Variants in SPECC1 observed in about 807,000 individuals in gnomAD.
SPECC1 encodes cytospin-B.
In SPECC1, 62 loss-of-function variants were observed where a neutral mutation model predicts 104.1. That is an observed-to-expected ratio of 0.60 (90% CI 0.49 to 0.74). The LOEUF is 0.74. Ranked by LOEUF, SPECC1 falls within the 30% of genes least tolerant of loss-of-function variation. The pLI, the probability that SPECC1 is intolerant of heterozygous loss-of-function variation, is 0.00. For missense variants in SPECC1, 1,306 were observed against 1,310.5 expected (o/e 1.00, Z 0.05); for synonymous variants, 513 against 501.6 (o/e 1.02, Z -0.30).
chr17:20,172,999 A>G (rs896901197), intron 3 of SPECC1, among the ~76,000 whole-genome samples: 1 of 152,202 alleles, frequency 6.6e-6, no homozygotes, highest in Non-Finnish European at 1.5e-5. Flanking sequence ...TGTTGGTCAA[A>G]TGAAGACTTG....
rs75296798 is a variant in SPECC1 at position 20,314,062 on chromosome 17, G to T, written c.3204G>T (p.Thr1068=). The part of the protein sequence containing the change: ...YVAQIYKYFE[T] ...CCCAAATCTACAAGTACTTTGAGAC[G>T]TAACCCTGGAGGGCCTGGGGCAGCC... is the stretch of plus-strand genomic sequence containing the variant. Residue 1068 remains threonine (T), a synonymous_variant, in exon 15 of 15, where the codon ACG becomes ACT. Coordinates refer to ENST00000395527, the MANE Select transcript of SPECC1 (RefSeq NM_001243439.2). The T allele has an allele frequency of 1.7e-5, 27 of 1,613,668 alleles. No individual in the cohort carries two copies. The highest frequency in any genetic ancestry group is 2.3e-5 in the Non-Finnish European group (27 of 1,179,766).
intron 7 of SPECC1, chr17:20,237,850 C>T (rs555130769): frequency 1.9e-5 from 4 of 205,884 alleles, no homozygotes; most frequent in African/African-American, 9.3e-5. Context: ...TTAAGCTATT[C>T]TCCTGCCTTG....
intron 12 of SPECC1, among the ~76,000 whole-genome samples, chr17:20,288,806 C>T (rs1408634380): frequency 9.1e-5 from 10 of 110,434 alleles, no homozygotes; most frequent in East Asian, 6.0e-4. Flanking sequence ...TGTCCCAAGA[C>T]GGAGTCTCAC....
At chr17:20,029,143 T>A (rs1385308182) in intron 1 of SPECC1, among the ~76,000 whole-genome samples, 2 of 152,164 alleles carry the variant, frequency 1.3e-5, no homozygotes, top group Non-Finnish European at 2.9e-5. Flanking sequence ...TTTTGATCCA[T>A]GAACATGGGA....
intron 3 of SPECC1, among the ~76,000 whole-genome samples, chr17:20,124,797 A>G (rs1409719414): frequency 6.6e-6 from 1 of 152,176 alleles, no homozygotes; most frequent in Non-Finnish European, 1.5e-5. Flanking sequence ...ATCATCTAAC[A>G]CAGAGCCTAT....
chr17:20,274,254 G>C (rs922143131), intron 12 of SPECC1, among the ~76,000 whole-genome samples: 57 of 152,290 alleles, frequency 3.7e-4, no homozygotes, highest in African/African-American at 1.3e-3. Context: ...TGGACTTGCT[G>C]TTCCCTTCTG....
At chr17:20,071,501 A>T in intron 1 of SPECC1, among the ~76,000 whole-genome samples, 1 of 152,106 alleles carries the variant, frequency 6.6e-6, no homozygotes, top group East Asian at 1.9e-4. Flanking sequence ...TTTATAAATA[A>T]TTTTCTTCAT....
At chr17:20,151,819 C>A (rs1194546576) in intron 3 of SPECC1, among the ~76,000 whole-genome samples, 1 of 151,698 alleles carries the variant, frequency 6.6e-6, no homozygotes, top group Non-Finnish European at 1.5e-5. Context: ...GAGGCCAACT[C>A]AGGTGGATCA....
At chr17:20,138,304 C>G (rs2030280160) in intron 3 of SPECC1, among the ~76,000 whole-genome samples, 1 of 152,088 alleles carries the variant, frequency 6.6e-6, no homozygotes, top group South Asian at 2.1e-4. Context: ...ACCCTCTGCC[C>G]CCACACATGT....
chr17:20,131,223 C>T (rs906449056), intron 3 of SPECC1, among the ~76,000 whole-genome samples: 3 of 151,924 alleles, frequency 2.0e-5, no homozygotes, highest in Non-Finnish European at 4.4e-5. Flanking sequence ...TCGTTTTCTT[C>T]CTCTGTTGCC....
intron 12 of SPECC1, among the ~76,000 whole-genome samples, chr17:20,295,678 C>G (rs2041325802): frequency 6.6e-6 from 1 of 152,142 alleles, no homozygotes; most frequent in African/African-American, 2.4e-5. Context: ...TTCTCCAGCA[C>G]CTGTTATTTC....
chr17:20,290,298 C>G (rs1224374004), intron 12 of SPECC1: 1 of 151,300 alleles, frequency 6.6e-6, no homozygotes, highest in Non-Finnish European at 1.5e-5. Context: ...GGAAATGATA[C>G]AGAGAAGACT....
chr17:20,080,041 G>A (rs1162791727), intron 1 of SPECC1, among the ~76,000 whole-genome samples: 1 of 152,138 alleles, frequency 6.6e-6, no homozygotes, highest in Non-Finnish European at 1.5e-5. Flanking sequence ...TGTTGCCATT[G>A]TCAACTACCA....
At chr17:20,078,735 G>A (rs950400757) in intron 1 of SPECC1, among the ~76,000 whole-genome samples, 6 of 152,138 alleles carry the variant, frequency 3.9e-5, no homozygotes, top group African/African-American at 1.4e-4. Flanking sequence ...AAAATTGTAT[G>A]TTAAAAATAT....
chr17:20,244,221 T>C (rs1049234508), intron 7 of SPECC1, among the ~76,000 whole-genome samples: 1 of 152,112 alleles, frequency 6.6e-6, no homozygotes, highest in Non-Finnish European at 1.5e-5. Flanking sequence ...AGAGCGAGAC[T>C]CTGTCTCAGA....
chr17:20,216,172 A>T (rs186501159), intron 4 of SPECC1, among the ~76,000 whole-genome samples: 2 of 152,122 alleles, frequency 1.3e-5, no homozygotes. Flanking sequence ...CATCACAAAC[A>T]GTTGTTTACC....
chr17:20,025,111 CCCAGAATGAG>C (rs1374659260), intron 1 of SPECC1, among the ~76,000 whole-genome samples: 2 of 152,124 alleles, frequency 1.3e-5, no homozygotes, highest in African/African-American at 2.4e-5. Context: ...TTGGCCATGA[CCCAGAATGAG>C]CCAATCAAAA....
chr17:20,024,463 T>C (rs1194037262), intron 1 of SPECC1, among the ~76,000 whole-genome samples: 3 of 152,230 alleles, frequency 2.0e-5, no homozygotes, highest in African/African-American at 2.4e-5. Context: ...AGAGACAGAT[T>C]AGGCACTGGA....
intron 3 of SPECC1, among the ~76,000 whole-genome samples, chr17:20,190,185 C>T (rs184162429): frequency 6.6e-6 from 1 of 152,266 alleles, no homozygotes; most frequent in Admixed American, 6.5e-5. Context: ...CATCTGCTTG[C>T]TGAATTGCCT....
Sources: allele counts gnomAD v4.1 joint callset (sites outside exome capture counted in the v4.1 genomes callset), GRCh38; gene constraint gnomAD v4.1.1; transcripts MANE v1.5; gene names NCBI Gene and HGNC (gene_info 2026-07-23, HGNC 2026-07-21).